The following KAT6A variants were observed in gnomAD, a reference collection of about 807,000 sequenced individuals.
KAT6A encodes the protein histone acetyltransferase KAT6A.
KAT6A carries 9 observed loss-of-function variants against 198.4 expected under a neutral mutation model. The observed-to-expected ratio is 0.05, with a 90% CI of 0.03 to 0.08. KAT6A has a LOEUF of 0.08. Among genes scored for constraint, KAT6A ranks in the 10% least tolerant of loss-of-function variants. The probability of loss-of-function intolerance (pLI) is 1.00; values close to 1 mark genes in which losing one functional copy is unlikely to be tolerated. For synonymous variants in KAT6A, 890 were observed against 883.0 expected (o/e 1.01, Z -0.14); for missense variants, 2,077 against 2,509.9 (o/e 0.83, Z 3.69).
Position 41,932,636 on chromosome 8 carries a change from C to G in KAT6A, c.5584G>C (p.Ala1862Pro). Residue 1862 changes from alanine (A) to proline (P), a missense_variant, in exon 17 of 17, where the codon GCG becomes CCG. Coordinates refer to ENST00000265713, the MANE Select transcript of KAT6A (RefSeq NM_006766.5). ...KGHISIRSKS[A>P]PLPSAAAHQQ... is the part of the protein sequence containing the mutation. ...TGAGCAGCCGCAGAGGGCAGTGGCG[C>G]AGACTTGGAGCGGATGGAAATGTGC... is the stretch of plus-strand genomic sequence containing the variant. 1 of 1,614,120 alleles carries G rather than the reference C, an allele frequency of 6.2e-7. No homozygotes were observed. Among genetic ancestry groups the G allele is most frequent in the Non-Finnish European group, 8.5e-7 (1 of 1,179,960 alleles).
chr8:42,039,589 A>G (rs1564082611), intron 2 of KAT6A, among the ~76,000 whole-genome samples: 1 of 152,222 alleles, frequency 6.6e-6, no homozygotes, highest in Non-Finnish European at 1.5e-5. Context: ...ACATAACAAA[A>G]AAGTATTGGC....
chr8:41,951,285 G>T (rs1822657837), intron 9 of KAT6A, among the ~76,000 whole-genome samples: 1 of 151,590 alleles, frequency 6.6e-6, no homozygotes, highest in African/African-American at 2.4e-5. Flanking sequence ...CATTTTAAAA[G>T]CTCCTTACTT....
Position 42,009,517 on chromosome 8 carries a change from C to T in KAT6A, c.601-21954G>A, listed in dbSNP as rs148938494. Reference sequence around the variant, plus strand: ...GAAAAGGTGACATGTGACCCTGAGACGACTAATGGGTGCATGTGGGTGCAT... The same window carrying T: ...GAAAAGGTGACATGTGACCCTGAGATGACTAATGGGTGCATGTGGGTGCAT... On this transcript the variant is annotated intron_variant, in intron 2 of 16. Coordinates refer to ENST00000265713, the MANE Select transcript of KAT6A (RefSeq NM_006766.5). Among the ~76,000 whole-genome samples, 84 of 151,690 alleles carry T rather than the reference C, an allele frequency of 5.5e-4. 1 individual carries two copies. The South Asian group carries it at 8.5e-3, about 15-fold the overall frequency.
At chr8:41,948,820 TTA>T (rs1822523210) in intron 10 of KAT6A, among the ~76,000 whole-genome samples, 2 of 152,120 alleles carry the variant, frequency 1.3e-5, no homozygotes, top group Non-Finnish European at 2.9e-5. Flanking sequence ...AAGTACTCAA[TTA>T]ATACTTGGCA....
chr8:42,040,228 A>G (rs1335191761), intron 2 of KAT6A, among the ~76,000 whole-genome samples: 1 of 152,100 alleles, frequency 6.6e-6, no homozygotes, highest in Non-Finnish European at 1.5e-5. Flanking sequence ...ATAGGTTTCT[A>G]TAAGCAACTC....
At chr8:41,950,936 G>C (rs1488362502) in intron 9 of KAT6A, among the ~76,000 whole-genome samples, 2 of 152,026 alleles carry the variant, frequency 1.3e-5, no homozygotes, top group African/African-American at 4.8e-5. Flanking sequence ...AAACAGAAGG[G>C]AGAGGGGAGA....
chr8:42,003,073 C>T (rs1825571592), intron 2 of KAT6A, among the ~76,000 whole-genome samples: 1 of 152,174 alleles, frequency 6.6e-6, no homozygotes, highest in Non-Finnish European at 1.5e-5. Flanking sequence ...TTTCTCCTGT[C>T]AGGCGGCTTC....
At chr8:42,042,351 G>C (rs975010767) in intron 2 of KAT6A, among the ~76,000 whole-genome samples, 2 of 151,784 alleles carry the variant, frequency 1.3e-5, no homozygotes, top group Non-Finnish European at 2.9e-5. Context: ...CAGCTTACTC[G>C]GGAGGCTGAG....
At chr8:42,045,238 C>CT (rs1405660217) in intron 2 of KAT6A, among the ~76,000 whole-genome samples, 1 of 152,180 alleles carries the variant, frequency 6.6e-6, no homozygotes, top group African/African-American at 2.4e-5. Context: ...GAAACAAACT[C>CT]TATTTTCCAA....
At chr8:42,025,069 A>G (rs900413003) in intron 2 of KAT6A, among the ~76,000 whole-genome samples, 2 of 152,292 alleles carry the variant, frequency 1.3e-5, no homozygotes, top group East Asian at 1.9e-4. Flanking sequence ...ACAACGATGT[A>G]TAAGAGTTCC....
chr8:42,046,471 G>A (rs573621155), intron 2 of KAT6A, among the ~76,000 whole-genome samples: 93 of 152,128 alleles, frequency 6.1e-4, no homozygotes, highest in Admixed American at 1.1e-3. Flanking sequence ...GGGAGGCGGA[G>A]GTTGCAGTGA....
At chr8:42,027,966 A>G (rs1243090757) in intron 2 of KAT6A, among the ~76,000 whole-genome samples, 2 of 152,090 alleles carry the variant, frequency 1.3e-5, no homozygotes, top group Non-Finnish European at 2.9e-5. Flanking sequence ...ATTTGTTGTA[A>G]GAAATTTTTT....
At chr8:41,970,778 T>C (rs1823752544) in intron 8 of KAT6A, among the ~76,000 whole-genome samples, 1 of 152,200 alleles carries the variant, frequency 6.6e-6, no homozygotes, top group Non-Finnish European at 1.5e-5. Flanking sequence ...CACATGTATG[T>C]TTATTGCGGC....
At chr8:41,979,213 A>G (rs1824222410) in intron 5 of KAT6A, among the ~76,000 whole-genome samples, 1 of 152,228 alleles carries the variant, frequency 6.6e-6, no homozygotes, top group Non-Finnish European at 1.5e-5. Context: ...GGTTGCAGTG[A>G]GCCGAGATTG....
At chr8:42,026,207 T>C (rs1048505367) in intron 2 of KAT6A, among the ~76,000 whole-genome samples, 1 of 152,248 alleles carries the variant, frequency 6.6e-6, no homozygotes, top group Admixed American at 6.5e-5. Context: ...AGTAGTGTGA[T>C]GCCCCCAGCT....
rs1444991359 is a variant in KAT6A, at chr8:41,930,028, T to TA, written c.*2176dup. 2 of 225,432 alleles carry TA rather than the reference T, an allele frequency of 8.9e-6. No homozygotes were observed. The highest frequency in any genetic ancestry group is 4.5e-5 in the African/African-American group (2 of 44,900). The allele number at this position is 225,432 out of a possible 1,614,324, so 14.0% of individuals were successfully genotyped here. A position where few individuals can be genotyped will look rare whatever the true frequency, so the allele number is the denominator to read the frequency against. On this transcript the variant is annotated 3_prime_UTR_variant, in exon 17 of 17. Transcript: ENST00000265713. ...CAGGTACCAATATTACTGTGTTGGATAATTTCTTTTATAATATAGAAAAGA... is the reference window on the plus strand; with the variant it reads ...CAGGTACCAATATTACTGTGTTGGATAAATTTCTTTTATAATATAGAAAAGA...
At chr8:42,009,420 C>G (rs1825902396) in intron 2 of KAT6A, among the ~76,000 whole-genome samples, 1 of 150,196 alleles carries the variant, frequency 6.7e-6, no homozygotes, top group Non-Finnish European at 1.5e-5. Context: ...GTGCTAGGTG[C>G]AGATAATCTA....
Position 41,971,335 on chromosome 8 carries a change from CAG to C in KAT6A, c.1482+3367_1482+3368del, listed in dbSNP as rs1823785015. On this transcript the variant is annotated intron_variant, in intron 8 of 16. Coordinates refer to ENST00000265713, the MANE Select transcript of KAT6A (RefSeq NM_006766.5). Reference sequence around the variant, plus strand: ...TACTATGCAGAAAAAGCAGGCAGGTCAGGGGATAGAGTGACACAATGGGCTGT... The same window carrying C: ...TACTATGCAGAAAAAGCAGGCAGGTCGGGATAGAGTGACACAATGGGCTGT... 2.0e-5 allele frequency among the ~76,000 whole-genome samples: 3 copies of C among 151,730 alleles called. 1 individual carries two copies. The highest frequency in any genetic ancestry group is 1.9e-4 in the East Asian group (1 of 5,178).
intron 9 of KAT6A, among the ~76,000 whole-genome samples, chr8:41,951,514 G>C (rs181200440): frequency 9.2e-4 from 140 of 152,286 alleles, no homozygotes; most frequent in African/African-American, 3.3e-3. Context: ...AATCTTGTTG[G>C]GGGCTGCTTT....
Sources: gnomAD v4.1 joint callset for allele counts (sites outside exome capture counted in the v4.1 genomes callset) on GRCh38, gnomAD v4.1.1 for gene constraint, MANE v1.5 for transcripts, NCBI Gene and HGNC (gene_info 2026-07-23, HGNC 2026-07-21) for gene names.